Variants in PRKAR2A observed in about 807,000 individuals in gnomAD.
PRKAR2A encodes the protein cAMP-dependent protein kinase type II-alpha regulatory subunit.
In PRKAR2A, 29 loss-of-function variants were observed where a neutral mutation model predicts 51.9. The ratio of observed to expected loss-of-function variants is 0.56; its 90% CI spans 0.42 to 0.76. The LOEUF is 0.76. Ranked by LOEUF, PRKAR2A falls within the 30% of genes least tolerant of loss-of-function variation. The pLI is 0.00. For missense variants in PRKAR2A, 445 were observed against 512.1 expected (o/e 0.87, Z 1.26); for synonymous variants, 178 against 186.2 (o/e 0.96, Z 0.36).
chr3:48,792,150 T>G (rs1010116747), intron 3 of PRKAR2A, among the ~76,000 whole-genome samples: 25 of 147,996 alleles, frequency 1.7e-4, no homozygotes, highest in African/African-American at 4.7e-4. Context: ...AAAGTTTTGG[T>G]TTTTTTTTTG....
intron 3 of PRKAR2A, among the ~76,000 whole-genome samples, chr3:48,791,157 C>T (rs1224503609): frequency 2.6e-5 from 4 of 151,598 alleles, no homozygotes; most frequent in South Asian, 4.2e-4. Context: ...CATGGTGGCG[C>T]GTGCCTGTAA....
intron 1 of PRKAR2A, among the ~76,000 whole-genome samples, chr3:48,840,584 T>C (rs1037197113): frequency 1.7e-5 from 2 of 115,596 alleles, no homozygotes; most frequent in Non-Finnish European, 3.7e-5. Context: ...TTTTTTTTTT[T>C]TTTTTTTTTT....
intron 4 of PRKAR2A, among the ~76,000 whole-genome samples, chr3:48,788,640 T>C (rs1255621135): frequency 6.6e-6 from 1 of 152,146 alleles, no homozygotes; most frequent in African/African-American, 2.4e-5. Flanking sequence ...AGGTAAGGCC[T>C]TTACATGATC....
intron 9 of PRKAR2A, among the ~76,000 whole-genome samples, chr3:48,755,945 A>AT (rs887084839): frequency 1.3e-5 from 2 of 151,368 alleles, no homozygotes; most frequent in Non-Finnish European, 2.9e-5. Flanking sequence ...TGCCTGGCTA[A>AT]TTTTTTTTGT....
intron 5 of PRKAR2A, among the ~76,000 whole-genome samples, chr3:48,775,787 T>A (rs2082096727): frequency 6.6e-6 from 1 of 152,002 alleles, no homozygotes; most frequent in Non-Finnish European, 1.5e-5. Flanking sequence ...AAATACATGT[T>A]TCTATCTATA....
intron 1 of PRKAR2A, among the ~76,000 whole-genome samples, chr3:48,841,914 G>C (rs2083387331): frequency 6.6e-6 from 1 of 152,020 alleles, no homozygotes; most frequent in Non-Finnish European, 1.5e-5. Context: ...AAGATTTTAA[G>C]TCAACTCAAT....
chr3:48,788,964 T>C (rs1336139701), intron 4 of PRKAR2A, among the ~76,000 whole-genome samples: 1 of 151,966 alleles, frequency 6.6e-6, no homozygotes, highest in African/African-American at 2.4e-5. Flanking sequence ...ATAGATCCTA[T>C]GCTAGGCCCT....
In PRKAR2A at chr3:48,765,239, C is replaced by G. The variant is rs531081027; in HGVS notation, c.798+9G>C. The G allele has an allele frequency of 6.3e-7, 1 of 1,596,868 alleles. No individual in the cohort carries two copies. The highest frequency in any genetic ancestry group is 1.3e-5 in the African/African-American group (1 of 74,402). ...CCCCATGAACAGATTCTTATTCAAG[C>G]CACTTTACCTCTAGTGATTTAAGGA... is the stretch of plus-strand genomic sequence containing the variant. On this transcript the variant is annotated intron_variant, in intron 7 of 10. Transcript: ENST00000265563.
chr3:48,756,421 G>A lies in PRKAR2A; in HGVS notation c.897C>T (p.Tyr299=). ...ITQGEKADSF[Y]IIESGEVSIL... ...TGCTCACTTCGCCAGACTCTATGAT[G>A]TAAAAGCTATCAGCCTTTTCACCCT... is the stretch of plus-strand genomic sequence containing the variant. The change falls in exon 9 of 11, where the codon TAC becomes TAT. Residue 299 remains tyrosine (Y), a synonymous_variant. Transcript: ENST00000265563. The A allele has an allele frequency of 2.5e-6, 4 of 1,613,954 alleles. No homozygotes were observed. Among genetic ancestry groups the A allele is most frequent in the Non-Finnish European group, 3.4e-6 (4 of 1,179,934 alleles).
chr3:48,797,925 A>T lies in PRKAR2A; in HGVS notation c.299-3876T>A, dbSNP rs564234433. Among the ~76,000 whole-genome samples, 17 of 152,212 alleles carry T rather than the reference A, an allele frequency of 1.1e-4. No homozygotes were observed. In the East Asian group the frequency reaches 1.7e-3, roughly 16 times the overall value. On this transcript the variant is annotated intron_variant, in intron 2 of 10. Coordinates refer to ENST00000265563, the MANE Select transcript of PRKAR2A (RefSeq NM_004157.4). ...AGTTCTTCCCTAATGATTAAGGCAGACACCTATCTTAGTTCCTAGACATTT... is the reference window on the plus strand; with the variant it reads ...AGTTCTTCCCTAATGATTAAGGCAGTCACCTATCTTAGTTCCTAGACATTT...
At chr3:48,795,341 TTAGA>T (rs567756357) in intron 2 of PRKAR2A, among the ~76,000 whole-genome samples, 79 of 152,036 alleles carry the variant, frequency 5.2e-4, no homozygotes, top group Middle Eastern at 3.4e-3. Context: ...ATTTTAAAAA[TTAGA>T]TAGATAAGAA....
intron 8 of PRKAR2A, among the ~76,000 whole-genome samples, chr3:48,757,933 G>A (rs2081797707): frequency 6.6e-6 from 1 of 152,168 alleles, no homozygotes; most frequent in African/African-American, 2.4e-5. Flanking sequence ...ATGCATGCCT[G>A]TAATCCCAGC....
intron 1 of PRKAR2A, among the ~76,000 whole-genome samples, chr3:48,827,536 A>G (rs1167118221): frequency 6.6e-6 from 1 of 152,226 alleles, no homozygotes; most frequent in African/African-American, 2.4e-5. Context: ...GTACTTACAC[A>G]AACCTAGATG....
intron 2 of PRKAR2A, among the ~76,000 whole-genome samples, chr3:48,800,362 A>T (rs1001167028): frequency 6.6e-6 from 1 of 151,112 alleles, no homozygotes; most frequent in Non-Finnish European, 1.5e-5. Context: ...AAAATACAAA[A>T]ATTAGCCAGG....
intron 3 of PRKAR2A, among the ~76,000 whole-genome samples, chr3:48,791,231 G>T (rs1398948093): frequency 3.0e-5 from 4 of 133,384 alleles, no homozygotes; most frequent in Admixed American, 8.2e-5. Flanking sequence ...AGGTTGCAGT[G>T]AGCCAAGATT....
intron 8 of PRKAR2A, among the ~76,000 whole-genome samples, chr3:48,758,099 T>C (rs1001823139): frequency 2.0e-5 from 3 of 148,944 alleles, no homozygotes; most frequent in South Asian, 2.1e-4. Context: ...CATACATACA[T>C]ACACAAAAAT....
rs754002035 is a variant in PRKAR2A at position 48,756,456 on chromosome 3, G to C, written c.874-12C>G. On this transcript the variant is annotated splice_polypyrimidine_tract_variant and intron_variant, in intron 8 of 10. Transcript: ENST00000265563. ...TCAGCCTTTTCACCCTGAAAGAAAAGAGAGGTCAGGTCAGAGCCATAAGTA... is the reference window on the plus strand; with the variant it reads ...TCAGCCTTTTCACCCTGAAAGAAAACAGAGGTCAGGTCAGAGCCATAAGTA... The C allele has an allele frequency of 8.1e-6, 13 of 1,608,286 alleles. No individual in the cohort carries two copies. The East Asian group carries it at 2.7e-4, about 33-fold the overall frequency.
chr3:48,847,552 C>G lies in PRKAR2A; in HGVS notation c.45G>C (p.Gln15His), dbSNP rs755814366. ...QIPPGLTELLQGYTVEVLRQQ... is the reference protein window; with the variant it reads ...QIPPGLTELLHGYTVEVLRQQ... The stretch of plus-strand genomic sequence containing the variant: ...GTCGCAGCACCTCCACCGTGTAGCC[C>G]TGCAGCAGCTCCGTGAGCCCCGGCG... The change falls in exon 1 of 11, where the codon CAG becomes CAC. Residue 15 changes from glutamine (Q) to histidine (H), a missense_variant. By Grantham distance (24) the Gln-to-His change is conservative. Transcript: ENST00000265563. This position sits in a 1 kb window ranked among gnomAD's most constrained non-coding sequence, Gnocchi z 4.4. 5.8e-6 allele frequency: 9 copies of G among 1,564,594 alleles called. No homozygotes were observed. In the South Asian group the frequency reaches 1.1e-4, roughly 19 times the overall value.
At chr3:48,801,108 T>C (rs1404202424) in intron 2 of PRKAR2A, among the ~76,000 whole-genome samples, 2 of 152,156 alleles carry the variant, frequency 1.3e-5, no homozygotes, top group East Asian at 1.9e-4. Context: ...GCCTCTCAAG[T>C]AGCTGGGATT....
Sources: gnomAD v4.1 joint callset for allele counts (sites outside exome capture counted in the v4.1 genomes callset) on GRCh38, gnomAD v4.1.1 for gene constraint, Gnocchi (gnomAD v3.1) non-coding constraint, MANE v1.5 for transcripts, NCBI Gene and HGNC (gene_info 2026-07-23, HGNC 2026-07-21) for gene names.